Variants in PCNA observed in about 807,000 individuals in gnomAD.
PCNA encodes DNA sliding clamp PCNA.
A neutral mutation model predicts 27.8 loss-of-function variants in PCNA; 4 were observed. The observed-to-expected ratio is 0.14, with a 90% CI of 0.07 to 0.33. The LOEUF is 0.33. Among genes scored for constraint, PCNA ranks in the 10% least tolerant of loss-of-function variants. PCNA has a pLI of 1.00. For synonymous variants in PCNA, 121 were observed against 119.4 expected (o/e 1.01, Z -0.09); for missense variants, 165 against 327.4 (o/e 0.50, Z 3.83).
chr20:5,121,875 A>G (rs1276020127), upstream of PCNA, among the ~76,000 whole-genome samples: 3 of 151,908 alleles, frequency 2.0e-5, no homozygotes, highest in African/African-American at 4.8e-5. Context: ...AATCTTCCCA[A>G]TCGGTCTCCC....
At chr20:5,121,339 A>ATC (rs1200150613), upstream of PCNA, 1 of 147,482 alleles carries the variant, frequency 6.8e-6, no homozygotes, top group Non-Finnish European at 1.5e-5. Flanking sequence ...GGCTTCAAAT[A>ATC]TCTCCTCTCC....
At chr20:5,125,756 T>C (rs1390052881) in intron 1 of PCNA, among the ~76,000 whole-genome samples, 1 of 152,232 alleles carries the variant, frequency 6.6e-6, no homozygotes, top group Non-Finnish European at 1.5e-5. Flanking sequence ...CTGTTTGTGT[T>C]CTAATTCTTA....
At position 5,118,753 on chromosome 20, in the gene PCNA, A is replaced by AAAAG. The variant is rs760109380; in HGVS notation, c.319+12_319+15dup. The stretch of plus-strand genomic sequence containing the variant: ...TTTTCTGTAGCTTCGTGACTCGGTA[A>AAAAG]AAAGGTACGACTTACTTGGTGCTTC... On this transcript the variant is annotated intron_variant, in intron 2 of 5. Transcript: ENST00000379143. 9 of 1,611,814 alleles carry AAAAG rather than the reference A, an allele frequency of 5.6e-6. No homozygotes were observed. The highest frequency in any genetic ancestry group is 5.9e-6 in the Non-Finnish European group (7 of 1,177,950).
Position 5,119,810 on chromosome 20 carries a change from G to A in PCNA, c.-12C>T. On this transcript the variant is annotated 5_prime_UTR_variant, in exon 1 of 6. Transcript: ENST00000379143. Reference sequence around the variant, plus strand: ...CGCGCCTCGAACATGGTGGCGGAGTGGCAACAACGCCGCTACAGGCAGGCG... The same window carrying A: ...CGCGCCTCGAACATGGTGGCGGAGTAGCAACAACGCCGCTACAGGCAGGCG... 1 of 1,550,826 alleles carries A rather than the reference G, an allele frequency of 6.4e-7. No homozygotes were observed.
Position 5,118,837 on chromosome 20 carries a change from T to C in PCNA, c.251A>G (p.Asn84Ser), listed in dbSNP as rs773719325. The C allele has an allele frequency of 1.1e-5, 17 of 1,613,214 alleles. No individual in the cohort carries two copies. The South Asian group carries it at 1.3e-4, about 13-fold the overall frequency. The change falls in exon 2 of 6, where the codon AAT (asparagine) becomes AGT (serine). Residue 84 changes from asparagine (N) to serine (S), a missense_variant. Asn to Ser is a conservative substitution (Grantham distance 46, BLOSUM62 1). Coordinates refer to ENST00000379143, the MANE Select transcript of PCNA (RefSeq NM_182649.2). ...SMSKILKCAGNEDIITLRAED... is the reference protein window; with the variant it reads ...SMSKILKCAGSEDIITLRAED... Reference sequence around the variant, plus strand: ...GGCCCTTAGTGTAATGATATCTTCATTGCCGGCGCATTTTAGTATTTTGGA... The same window carrying C: ...GGCCCTTAGTGTAATGATATCTTCACTGCCGGCGCATTTTAGTATTTTGGA...
At chr20:5,119,203 T>TG (rs1490396532) in intron 1 of PCNA, among the ~76,000 whole-genome samples, 1 of 151,804 alleles carries the variant, frequency 6.6e-6, no homozygotes, top group Non-Finnish European at 1.5e-5. Flanking sequence ...GCCCAGAAGT[T>TG]GGAGACCAGC....
upstream of PCNA, chr20:5,120,128 GCGT>G (rs1352990673): frequency 1.3e-5 from 4 of 319,020 alleles, no homozygotes; most frequent in African/African-American, 4.3e-5. Context: ...GGGCGGGGCA[GCGT>G]CGCGCAGGTC....
chr20:5,119,773 C>A lies in PCNA; in HGVS notation c.26G>T (p.Gly9Val). 1.3e-6 allele frequency: 2 copies of A among 1,576,450 alleles called. No individual in the cohort carries two copies. Among genetic ancestry groups the A allele is most frequent in the Admixed American group, 3.7e-5 (2 of 54,102 alleles). Residue 9 changes from glycine (G) to valine (V), a missense_variant, in exon 1 of 6, where the codon GGC becomes GTC. By Grantham distance (109) the Gly-to-Val change is moderately radical (BLOSUM62 -3). Transcript: ENST00000379143. MFEARLVQ[G>V]SILKKVLEAL... ...CTCCAACACCTTCTTGAGGATGGAG[C>A]CCTGGACCAGGCGCGCCTCGAACAT...
At chr20:5,123,289 T>A (rs561740718), upstream of PCNA, among the ~76,000 whole-genome samples, 2 of 152,306 alleles carry the variant, frequency 1.3e-5, no homozygotes, top group East Asian at 3.9e-4. Flanking sequence ...CCAATTTACA[T>A]TTTAAGTGGC....
upstream of PCNA, among the ~76,000 whole-genome samples, chr20:5,120,694 TCTC>T (rs1375416312): frequency 6.6e-6 from 1 of 152,192 alleles, no homozygotes; most frequent in Non-Finnish European, 1.5e-5. Context: ...AATTTATCAA[TCTC>T]CTGTTGTTTA....
chr20:5,116,006 A>C (rs1335369307), intron 4 of PCNA, among the ~76,000 whole-genome samples: 1 of 152,210 alleles, frequency 6.6e-6, no homozygotes, highest in African/African-American at 2.4e-5. Flanking sequence ...AAACACCCTG[A>C]ATATCAAGGC....
intron 5 of PCNA, 21 bp downstream of exon 5, chr20:5,115,428 G>A (rs753314933): frequency 6.2e-7 from 1 of 1,613,892 alleles, no homozygotes. Flanking sequence ...TACAAAACAA[G>A]GTTCAAATTT....
chr20:5,120,419 T>TA (rs1187152263), upstream of PCNA, among the ~76,000 whole-genome samples: 1 of 152,226 alleles, frequency 6.6e-6, no homozygotes, highest in Non-Finnish European at 1.5e-5. Context: ...TGTCACAAGA[T>TA]AAAGAGGTGA....
Position 5,115,253 on chromosome 20 carries a change from T to C in PCNA, c.*30A>G, listed in dbSNP as rs1462455834. Reference sequence around the variant, plus strand: ...TCTTAGAAGCAGTTCTCAAAGAGCTTAGTTTTATTTTCTTGAATTTTAAGA... The same window carrying C: ...TCTTAGAAGCAGTTCTCAAAGAGCTCAGTTTTATTTTCTTGAATTTTAAGA... On this transcript the variant is annotated 3_prime_UTR_variant, in exon 6 of 6. Coordinates refer to ENST00000379143, the MANE Select transcript of PCNA (RefSeq NM_182649.2). 3.2e-6 allele frequency: 5 copies of C among 1,549,120 alleles called. No individual in the cohort carries two copies. Among genetic ancestry groups the C allele is most frequent in the Non-Finnish European group, 4.5e-6 (5 of 1,122,048 alleles).
At position 5,117,609 on chromosome 20, in the gene PCNA, C is replaced by G. The variant is rs1274412848; in HGVS notation, c.443G>C (p.Cys148Ser). ...KMPSGEFARI[C>S]RDLSHIGDAV... ...ATCTCCAATATGGCTGAGATCTCGG[C>G]ATATACGTGCAAATTCACCAGAAGG... The change falls in exon 4 of 6, where the codon TGC becomes TCC. Residue 148 changes from cysteine (C) to serine (S), a missense_variant. Physicochemically the swap from Cys to Ser is moderately radical, Grantham distance 112 (BLOSUM62 -1). Coordinates refer to ENST00000379143, the MANE Select transcript of PCNA (RefSeq NM_182649.2). 2.5e-6 allele frequency: 4 copies of G among 1,613,832 alleles called. No homozygotes were observed. The highest frequency in any genetic ancestry group is 1.7e-5 in the Admixed American group (1 of 59,988).
In PCNA at chr20:5,115,199, G is replaced by T. The variant is rs892045969; in HGVS notation, c.*84C>A. The stretch of plus-strand genomic sequence containing the variant: ...ATGTACTTAGAGGTACAAATTTGGT[G>T]ACAGAAAAGACTTCAGTATATGCTG... On this transcript the variant is annotated 3_prime_UTR_variant, in exon 6 of 6. Transcript: ENST00000379143. 4 of 971,120 alleles carry T rather than the reference G, an allele frequency of 4.1e-6. No individual in the cohort carries two copies. The highest frequency in any genetic ancestry group is 2.1e-5 in the Admixed American group (1 of 47,754). The allele number at this position is 971,120 out of a possible 1,614,324, so 60.2% of individuals were successfully genotyped here.
intron 1 of PCNA, among the ~76,000 whole-genome samples, chr20:5,125,246 T>C (rs1353381452): frequency 6.6e-6 from 1 of 152,172 alleles, no homozygotes; most frequent in African/African-American, 2.4e-5. Context: ...CATATACTCA[T>C]ATAGAAATCA....
At chr20:5,121,247 A>G (rs1568521197), upstream of PCNA, among the ~76,000 whole-genome samples, 1 of 152,160 alleles carries the variant, frequency 6.6e-6, no homozygotes, top group African/African-American at 2.4e-5. Context: ...TCTACCATGT[A>G]TCTAGGTATG....
intron 1 of PCNA, among the ~76,000 whole-genome samples, chr20:5,126,093 G>C (rs2090546131): frequency 6.6e-6 from 1 of 152,192 alleles, no homozygotes; most frequent in Non-Finnish European, 1.5e-5. Flanking sequence ...AGTTAGCCGG[G>C]CGTGGTGGCG....
Sources: gnomAD v4.1 joint callset for allele counts (sites outside exome capture counted in the v4.1 genomes callset) on GRCh38, gnomAD v4.1.1 for gene constraint, MANE v1.5 for transcripts, NCBI Gene and HGNC (gene_info 2026-07-23, HGNC 2026-07-21) for gene names.